MNAT1: variants seen among roughly 807,000 people sequenced by gnomAD.
The protein encoded by MNAT1 is MNAT1 component of CDK activating kinase.
A neutral mutation model predicts 42.0 loss-of-function variants in MNAT1; 43 were observed. That is an observed-to-expected ratio of 1.02 (90% confidence interval 0.80 to 1.32). The LOEUF (loss-of-function observed/expected upper bound fraction) is 1.32. MNAT1 is among the 40% of genes most tolerant of loss of function. The pLI is 0.00. For synonymous variants in MNAT1, 118 were observed against 120.0 expected (o/e 0.98, Z 0.11); for missense variants, 306 against 350.4 (o/e 0.87, Z 1.01).
intron 5 of MNAT1, among the ~76,000 whole-genome samples, chr14:60,815,162 T>C (rs755222953): frequency 7.9e-5 from 12 of 152,154 alleles, no homozygotes; most frequent in Non-Finnish European, 1.6e-4. Flanking sequence ...AAAAAGTTTT[T>C]AGATTTTATT....
At chr14:60,883,081 T>G (rs1458287004) in intron 7 of MNAT1, among the ~76,000 whole-genome samples, 2 of 152,180 alleles carry the variant, frequency 1.3e-5, no homozygotes, top group Non-Finnish European at 2.9e-5. Flanking sequence ...CTTTTTAACT[T>G]GATGTGGTCC....
chr14:60,871,390 T>TTGTA (rs2034320484), intron 6 of MNAT1, among the ~76,000 whole-genome samples: 2 of 152,214 alleles, frequency 1.3e-5, no homozygotes, highest in African/African-American at 4.8e-5. Context: ...GGCTGCATCA[T>TTGTA]TGTATACTCT....
intron 7 of MNAT1, chr14:60,880,110 G>GT (rs1301207847): frequency 6.0e-5 from 13 of 215,338 alleles, no homozygotes; most frequent in Non-Finnish European, 9.1e-5. Context: ...AGTCATGAGT[G>GT]TTTTTTTCTT....
intron 7 of MNAT1, among the ~76,000 whole-genome samples, chr14:60,949,999 T>A (rs1163076315): frequency 6.6e-6 from 1 of 152,186 alleles, no homozygotes; most frequent in Non-Finnish European, 1.5e-5. Flanking sequence ...CAATTTTTAC[T>A]GGCTGGAAAA....
chr14:60,784,203 T>TTTTTTTTTTC (rs1555374426), intron 1 of MNAT1, among the ~76,000 whole-genome samples: 1 of 145,266 alleles, frequency 6.9e-6, no homozygotes, highest in Non-Finnish European at 1.5e-5. Context: ...TTTTTTTTTT[T>TTTTTTTTTTC]AGTAGAGGCG....
At chr14:60,943,911 A>G (rs2036224735) in intron 7 of MNAT1, among the ~76,000 whole-genome samples, 1 of 152,208 alleles carries the variant, frequency 6.6e-6, no homozygotes, top group African/African-American at 2.4e-5. Context: ...TCATGGACTA[A>G]AAGTAGCTGC....
chr14:60,947,985 T>C (rs1419046273), intron 7 of MNAT1, among the ~76,000 whole-genome samples: 1 of 152,194 alleles, frequency 6.6e-6, no homozygotes, highest in East Asian at 1.9e-4. Flanking sequence ...TGTAGCCCCA[T>C]AGAGGCCCTC....
At chr14:60,895,301 T>A (rs930287329) in intron 7 of MNAT1, among the ~76,000 whole-genome samples, 3 of 152,212 alleles carry the variant, frequency 2.0e-5, no homozygotes, top group African/African-American at 7.2e-5. Flanking sequence ...AACTAAATTT[T>A]TAGAAACATT....
At chr14:60,763,691 C>G (rs1308026454) in intron 1 of MNAT1, among the ~76,000 whole-genome samples, 1 of 152,100 alleles carries the variant, frequency 6.6e-6, no homozygotes, top group Non-Finnish European at 1.5e-5. Context: ...AATAATTGAG[C>G]ACAATTATTT....
intron 7 of MNAT1, among the ~76,000 whole-genome samples, chr14:60,908,004 G>T (rs1017100323): frequency 6.6e-6 from 1 of 152,016 alleles, no homozygotes; most frequent in Non-Finnish European, 1.5e-5. Context: ...AGGTGACTAT[G>T]AGCAGAGATA....
Position 60,739,848 on chromosome 14 carries a change from A to G in MNAT1, c.89+4897A>G, listed in dbSNP as rs544553143. Among the ~76,000 whole-genome samples the G allele has an allele frequency of 1.7e-3, 261 of 152,310 alleles. 1 individual carries two copies. Among genetic ancestry groups the G allele is most frequent in the Middle Eastern group, 3.4e-3 (1 of 294 alleles). On this transcript the variant is annotated intron_variant, in intron 1 of 7. Coordinates refer to ENST00000261245, the MANE Select transcript of MNAT1 (RefSeq NM_002431.4). ...AGTGGTATCTAATTCTCATTTAACT[A>G]CAGCCTTTAATAATTTAATTTCTGT...
chr14:60,882,697 C>T (rs144147121), intron 7 of MNAT1, among the ~76,000 whole-genome samples: 83 of 152,132 alleles, frequency 5.5e-4, no homozygotes, highest in African/African-American at 1.9e-3. Context: ...ACATATCCAC[C>T]AACAGTGTAC....
At chr14:60,914,341 C>G (rs1594867349) in intron 7 of MNAT1, among the ~76,000 whole-genome samples, 1 of 152,202 alleles carries the variant, frequency 6.6e-6, no homozygotes, top group South Asian at 2.1e-4. Context: ...CCTGCACCCA[C>G]TGTCCGGCAC....
At chr14:60,959,008 TC>T (rs551448218) in intron 7 of MNAT1, among the ~76,000 whole-genome samples, 18 of 152,258 alleles carry the variant, frequency 1.2e-4, no homozygotes, top group African/African-American at 4.3e-4. Flanking sequence ...AGCCTTAACC[TC>T]CCAGGCTCAA....
intron 6 of MNAT1, among the ~76,000 whole-genome samples, chr14:60,834,945 C>CTTCT (rs2033340375): frequency 1.4e-5 from 2 of 143,288 alleles, no homozygotes; most frequent in South Asian, 4.7e-4. Flanking sequence ...TCCTTCCTTC[C>CTTCT]TTCCTTCCTT....
intron 1 of MNAT1, among the ~76,000 whole-genome samples, chr14:60,784,599 G>A (rs1250302517): frequency 6.6e-6 from 1 of 151,706 alleles, no homozygotes; most frequent in African/African-American, 2.4e-5. Context: ...TCCTGCCCCA[G>A]CCTTCTGGGA....
At chr14:60,947,218 C>G (rs1043181807) in intron 7 of MNAT1, among the ~76,000 whole-genome samples, 1 of 152,040 alleles carries the variant, frequency 6.6e-6, no homozygotes, top group African/African-American at 2.4e-5. Context: ...AAAACAATAT[C>G]TTCCTAGGAC....
intron 1 of MNAT1, among the ~76,000 whole-genome samples, chr14:60,754,671 G>T (rs1200403808): frequency 1.3e-5 from 2 of 152,136 alleles, no homozygotes; most frequent in Non-Finnish European, 2.9e-5. Flanking sequence ...TTCTAAGGGC[G>T]CATGTTCAAC....
intron 7 of MNAT1, among the ~76,000 whole-genome samples, chr14:60,881,272 C>G (rs2034545738): frequency 6.6e-6 from 1 of 152,098 alleles, no homozygotes; most frequent in South Asian, 2.1e-4. Context: ...GCAACCTCTG[C>G]CTCCTGGGTT....
Sources: allele counts gnomAD v4.1 joint callset (sites outside exome capture counted in the v4.1 genomes callset), GRCh38; gene constraint gnomAD v4.1.1; transcripts MANE v1.5; gene names NCBI Gene and HGNC (gene_info 2026-07-23, HGNC 2026-07-21).